The following LRRC4C variants were observed in gnomAD, a reference collection of about 807,000 sequenced individuals.
The protein encoded by LRRC4C is leucine-rich repeat-containing protein 4C.
LRRC4C carries 5 observed loss-of-function variants against 33.6 expected under a neutral mutation model. The ratio of observed to expected loss-of-function variants is 0.15; its 90% confidence interval spans 0.08 to 0.31. The LOEUF is 0.31. Among genes scored for constraint, LRRC4C ranks in the 10% least tolerant of loss-of-function variants. The pLI is 1.00. For missense variants in LRRC4C, 560 were observed against 796.7 expected (o/e 0.70, Z 3.58); for synonymous variants, 329 against 302.0 (o/e 1.09, Z -0.93).
At chr11:40,175,120 T>C (rs1860365604) in intron 5 of LRRC4C, among the ~76,000 whole-genome samples, 1 of 152,244 alleles carries the variant, frequency 6.6e-6, no homozygotes, top group Non-Finnish European at 1.5e-5. Flanking sequence ...ACATTGCATC[T>C]TGTCTATGTT....
chr11:40,677,144 G>T (rs1416732770), intron 2 of LRRC4C, among the ~76,000 whole-genome samples: 1 of 152,050 alleles, frequency 6.6e-6, no homozygotes, highest in African/African-American at 2.4e-5. Context: ...ATAGCACTTT[G>T]GGAGGCAGAG....
intron 2 of LRRC4C, among the ~76,000 whole-genome samples, chr11:40,756,339 TA>T (rs1948944866): frequency 6.6e-6 from 1 of 152,166 alleles, no homozygotes; most frequent in Non-Finnish European, 1.5e-5. Context: ...AGTATTCTTT[TA>T]CATAATCCGT....
chr11:40,235,998 A>G (rs1459239230), intron 5 of LRRC4C, among the ~76,000 whole-genome samples: 1 of 152,174 alleles, frequency 6.6e-6, no homozygotes, highest in African/African-American at 2.4e-5. Context: ...GACATTATAA[A>G]GAACAAGTGC....
intron 2 of LRRC4C, among the ~76,000 whole-genome samples, chr11:40,896,541 T>TA (rs1275608961): frequency 3.7e-5 from 1 of 27,074 alleles, no homozygotes; most frequent in Non-Finnish European, 4.8e-4. Context: ...AATTAGAATA[T>TA]TTTTTTTTTT....
intron 1 of LRRC4C, among the ~76,000 whole-genome samples, chr11:40,988,114 C>T (rs1853205524): frequency 6.6e-6 from 1 of 152,044 alleles, no homozygotes; most frequent in Non-Finnish European, 1.5e-5. Context: ...GTAGTTTTTG[C>T]TCACAGGAGT....
Position 40,114,816 on chromosome 11 carries a change from G to A in LRRC4C, c.1477C>T (p.Leu493Phe). The change falls in exon 7 of 7, where the codon CTC becomes TTC. Residue 493 changes from leucine to phenylalanine, a missense_variant. Coordinates refer to ENST00000528697, the MANE Select transcript of LRRC4C (RefSeq NM_001258419.2). ...GTCGACCTTGTGCTCTGTGGTGTGA[G>A]AGAGGTGGTCACATTGGTGGTCTCC... ...DWETTNVTTS[L>F]TPQSTRSTEK... 6.2e-7 allele frequency: 1 copy of A among 1,614,104 alleles called. No homozygotes were observed. Among genetic ancestry groups the A allele is most frequent in the Non-Finnish European group, 8.5e-7 (1 of 1,180,020 alleles).
At chr11:41,415,738 G>T (rs2939758) in intron 1 of LRRC4C, among the ~76,000 whole-genome samples, 4 of 152,046 alleles carry the variant, frequency 2.6e-5, no homozygotes, top group Non-Finnish European at 5.9e-5. Context: ...ATCTAAATTC[G>T]TTTGCAACAC....
In LRRC4C at chr11:40,360,457, C is replaced by T. The variant is rs116863199; in HGVS notation, c.-269-40736G>A. ...GTAGCAGGTGGAAAACACTCTGCTG[C>T]GTGCACAGAAACAGGAAAAGTTTAC... On this transcript the variant is annotated intron_variant, in intron 3 of 6. Transcript: ENST00000528697. Among the ~76,000 whole-genome samples the T allele has an allele frequency of 1.5e-4, 23 of 152,250 alleles. No individual in the cohort carries two copies. In the East Asian group the frequency reaches 4.3e-3, roughly 28 times the overall value.
intron 1 of LRRC4C, among the ~76,000 whole-genome samples, chr11:41,104,343 A>G (rs939293855): frequency 6.6e-6 from 1 of 151,982 alleles, no homozygotes; most frequent in African/African-American, 2.4e-5. Context: ...ACAAATGGTC[A>G]GTAAGAACAT....
intron 1 of LRRC4C, among the ~76,000 whole-genome samples, chr11:41,401,194 T>G (rs971511691): frequency 6.6e-6 from 1 of 151,794 alleles, no homozygotes; most frequent in African/African-American, 2.4e-5. Flanking sequence ...CTAAAGTAAC[T>G]GAGAGCTACA....
intron 1 of LRRC4C, among the ~76,000 whole-genome samples, chr11:41,432,346 A>C (rs889955320): frequency 1.3e-5 from 2 of 152,176 alleles, no homozygotes; most frequent in African/African-American, 4.8e-5. Flanking sequence ...AGCTTGTATC[A>C]GTCATTACCA....
intron 1 of LRRC4C, among the ~76,000 whole-genome samples, chr11:41,330,189 C>G (rs940287393): frequency 6.6e-6 from 1 of 152,134 alleles, no homozygotes; most frequent in African/African-American, 2.4e-5. Context: ...GAGGGAAGAG[C>G]TTCTTACTAT....
intron 1 of LRRC4C, among the ~76,000 whole-genome samples, chr11:40,980,647 G>C (rs895840522): frequency 6.6e-6 from 1 of 152,066 alleles, no homozygotes; most frequent in African/African-American, 2.4e-5. Context: ...AAATACTTGC[G>C]GGTTATGGTT....
chr11:40,276,674 AGTG>A (rs1285889506), intron 4 of LRRC4C, among the ~76,000 whole-genome samples: 2 of 127,554 alleles, frequency 1.6e-5, no homozygotes. Context: ...GTGGGAAACA[AGTG>A]TGTGTGTGTG....
At chr11:41,390,386 T>C (rs1228689416) in intron 1 of LRRC4C, among the ~76,000 whole-genome samples, 1 of 151,832 alleles carries the variant, frequency 6.6e-6, no homozygotes, top group African/African-American at 2.4e-5. Context: ...AGAGGCACTG[T>C]CTTAAATCCT....
chr11:40,221,064 C>T (rs555389252), intron 5 of LRRC4C, among the ~76,000 whole-genome samples: 16 of 151,870 alleles, frequency 1.1e-4, no homozygotes, highest in Admixed American at 2.6e-4. Flanking sequence ...TTAGTAGAGA[C>T]GGGGTTTCAC....
In LRRC4C at chr11:40,358,546, G is replaced by C. The variant is rs535695196; in HGVS notation, c.-269-38825C>G. Reference sequence around the variant, plus strand: ...TCCACCTGCCTCAGCTTCCTAAAGTGCTGGGATTACAGGTATGAGTTACTG... The same window carrying C: ...TCCACCTGCCTCAGCTTCCTAAAGTCCTGGGATTACAGGTATGAGTTACTG... On this transcript the variant is annotated intron_variant, in intron 3 of 6. Transcript: ENST00000528697. Among the ~76,000 whole-genome samples, 5 of 152,266 alleles carry C rather than the reference G, an allele frequency of 3.3e-5. 1 individual carries two copies. Among genetic ancestry groups the C allele is most frequent in the African/African-American group, 1.2e-4 (5 of 41,556 alleles).
chr11:41,429,215 T>C (rs774858568), intron 1 of LRRC4C, among the ~76,000 whole-genome samples: 2 of 152,174 alleles, frequency 1.3e-5, no homozygotes, highest in Non-Finnish European at 2.9e-5. Context: ...AAGAAAGACC[T>C]GTTTGTTTCC....
intron 2 of LRRC4C, among the ~76,000 whole-genome samples, chr11:40,691,903 T>G (rs918445572): frequency 6.6e-6 from 1 of 152,062 alleles, no homozygotes; most frequent in Non-Finnish European, 1.5e-5. Flanking sequence ...GGATGTGAGG[T>G]GCATTGGATT....
Sources: allele counts gnomAD v4.1 joint callset (sites outside exome capture counted in the v4.1 genomes callset), GRCh38; gene constraint gnomAD v4.1.1; transcripts MANE v1.5; gene names NCBI Gene and HGNC (gene_info 2026-07-23, HGNC 2026-07-21).